Variants in GSE1 observed in about 807,000 individuals in gnomAD.
GSE1 encodes the protein genetic suppressor element 1.
Under a neutral mutation model 112.6 loss-of-function variants are expected in GSE1, and 32 were observed. The ratio of observed to expected loss-of-function variants is 0.28; its 90% CI spans 0.21 to 0.38. The LOEUF (loss-of-function observed/expected upper bound fraction) is 0.38, where lower values mean the gene tolerates loss of function less well. Ranked by LOEUF, GSE1 falls within the 10% of genes least tolerant of loss-of-function variation. GSE1 has a pLI of 1.00. For missense variants in GSE1, 2,348 were observed against 1,699.2 expected (o/e 1.38, Z -6.71); for synonymous variants, 1,115 against 735.6 (o/e 1.52, Z -8.35).
exon 1 of GSE1, chr16:85,170,938 C>G (rs2074349645): frequency 1.0e-6 from 1 of 985,484 alleles, no homozygotes; most frequent in African/African-American, 1.7e-5. Flanking sequence ...GGAAGAGGGC[C>G]TGCCCTCCGG....
In GSE1 at chr16:85,211,018, G is replaced by A. The variant is rs559317808; in HGVS notation, c.2283+39211G>A. Among the ~76,000 whole-genome samples the A allele has an allele frequency of 2.6e-5, 4 of 152,356 alleles. No individual in the cohort carries two copies. The East Asian group carries it at 7.7e-4, about 29-fold the overall frequency. On this transcript the variant is annotated intron_variant, in intron 1 of 2. Transcript: ENST00000637419. ...TTCACAGGTGAGGACTGTGCCACTT[G>A]ACCTTGCTGGGTTGCAGGTTTTGCT...
chr16:85,362,555 T>C (rs1011064122), intron 2 of GSE1, among the ~76,000 whole-genome samples: 1 of 152,196 alleles, frequency 6.6e-6, no homozygotes, highest in Admixed American at 6.5e-5. Context: ...GACTACTGAA[T>C]AGGCATGGTA....
At chr16:85,255,214 A>C (rs547888507) in intron 1 of GSE1, among the ~76,000 whole-genome samples, 27 of 152,104 alleles carry the variant, frequency 1.8e-4, no homozygotes, top group African/African-American at 5.3e-4. Context: ...CAGCCCTTCC[A>C]GAGGCTTCTC....
intron 1 of GSE1, among the ~76,000 whole-genome samples, chr16:85,348,405 C>A (rs184940419): frequency 2.6e-4 from 39 of 152,190 alleles, no homozygotes; most frequent in Non-Finnish European, 2.1e-4. Context: ...TCCACCTTTG[C>A]GGAGGAGGAA....
At chr16:85,231,785 C>G (rs764547637) in intron 1 of GSE1, among the ~76,000 whole-genome samples, 1 of 152,194 alleles carries the variant, frequency 6.6e-6, no homozygotes, top group Non-Finnish European at 1.5e-5. Flanking sequence ...TATTTCTGCT[C>G]TTTTCTCTGT....
chr16:85,275,474 TA>T (rs2144214917), intron 1 of GSE1, among the ~76,000 whole-genome samples: 1 of 152,324 alleles, frequency 6.6e-6, no homozygotes, highest in African/African-American at 2.4e-5. Context: ...CATCCAGAAG[TA>T]CCTCGGTGCG....
Position 85,661,661 on chromosome 16 carries a change from C to T in GSE1, c.2156C>T (p.Ala719Val), listed in dbSNP as rs778886569. The T allele has an allele frequency of 1.9e-6, 3 of 1,610,660 alleles. No individual in the cohort carries two copies. Among genetic ancestry groups the T allele is most frequent in the East Asian group, 4.5e-5 (2 of 44,832 alleles). Reference sequence around the variant, plus strand: ...CCCTACCGGCCCCCAGTGCCACGGGCCCCCGACCCTGCCTACATCTATGAT... The same window carrying T: ...CCCTACCGGCCCCCAGTGCCACGGGTCCCCGACCCTGCCTACATCTATGAT... ...GSPYRPPVPR[A>V]PDPAYIYDEF... is the part of the protein sequence containing the mutation. The change falls in exon 9 of 16, where the codon GCC becomes GTC. Residue 719 changes from alanine (A) to valine (V), a missense_variant. Physicochemically the swap from Ala to Val is moderately conservative, Grantham distance 64. Transcript: ENST00000253458.
At chr16:85,176,960 G>T (rs2074479868) in intron 1 of GSE1, among the ~76,000 whole-genome samples, 2 of 152,272 alleles carry the variant, frequency 1.3e-5, no homozygotes, top group Admixed American at 1.3e-4. Flanking sequence ...TGGAAGTGGG[G>T]ACCTTCTGGA....
intron 7 of GSE1, among the ~76,000 whole-genome samples, chr16:85,656,908 A>G (rs898711578): frequency 6.6e-6 from 1 of 152,164 alleles, no homozygotes; most frequent in African/African-American, 2.4e-5. Flanking sequence ...TTAGGAAGGG[A>G]TGTTTTGAGT....
intron 1 of GSE1, among the ~76,000 whole-genome samples, chr16:85,181,605 T>G (rs2074586014): frequency 6.6e-6 from 1 of 152,208 alleles, no homozygotes; most frequent in South Asian, 2.1e-4. Flanking sequence ...CTGCGGCGTT[T>G]TATTCACCTT....
At chr16:85,627,554 G>A (rs2049178745) in intron 1 of GSE1, among the ~76,000 whole-genome samples, 1 of 151,994 alleles carries the variant, frequency 6.6e-6, no homozygotes, top group African/African-American at 2.4e-5. Flanking sequence ...AGAGCAGCAC[G>A]TGATGTAAAT....
rs527353845 is a variant in GSE1 at position 85,429,616 on chromosome 16, T to A, written c.2464+71973T>A. Among the ~76,000 whole-genome samples, 29 of 152,318 alleles carry A rather than the reference T, an allele frequency of 1.9e-4. No individual in the cohort carries two copies. In the South Asian group the frequency reaches 5.2e-3, roughly 27 times the overall value. Reference sequence around the variant, plus strand: ...CTGTTCCATGGCCCCCAGCATCTCCTGTCCTCACCTCCTCCCAAGATCTCC... The same window carrying A: ...CTGTTCCATGGCCCCCAGCATCTCCAGTCCTCACCTCCTCCCAAGATCTCC... On this transcript the variant is annotated intron_variant, in intron 2 of 2. Transcript: ENST00000637419.
intron 1 of GSE1, among the ~76,000 whole-genome samples, chr16:85,271,257 AC>A (rs1266325915): frequency 1.3e-5 from 2 of 152,174 alleles, no homozygotes; most frequent in Non-Finnish European, 2.9e-5. Context: ...CCAGTTGCCC[AC>A]CAGGGTGACT....
At chr16:85,290,696 C>G (rs934351790) in intron 1 of GSE1, among the ~76,000 whole-genome samples, 7 of 152,106 alleles carry the variant, frequency 4.6e-5, no homozygotes, top group Non-Finnish European at 1.0e-4. Flanking sequence ...CTTCATAGAG[C>G]CTTTGTTGTC....
intron 2 of GSE1, among the ~76,000 whole-genome samples, chr16:85,501,083 C>G (rs1409762284): frequency 1.5e-5 from 2 of 136,072 alleles, no homozygotes; most frequent in Non-Finnish European, 3.0e-5. Context: ...TCACTGCAAG[C>G]TCCGCCTCCC....
At chr16:85,340,094 C>T (rs988984719) in intron 1 of GSE1, among the ~76,000 whole-genome samples, 6 of 143,624 alleles carry the variant, frequency 4.2e-5, no homozygotes, top group African/African-American at 1.5e-4. Flanking sequence ...AGAATGGAAA[C>T]AGATGGTACA....
Position 85,668,390 on chromosome 16 carries a change from G to A in GSE1, c.3381G>A (p.Glu1127=). ...CCAAGCGCAAGTGGCAAGGGATCGA[G>A]GCCGTTTTTGAAGCTTACCAGGAAC... ...EVPKRKWQGI[E]AVFEAYQEHI... is the part of the protein sequence containing the mutation. Residue 1127 remains glutamate, a synonymous_variant, in exon 14 of 16, where the codon GAG becomes GAA. Coordinates refer to ENST00000253458, the MANE Select transcript of GSE1 (RefSeq NM_014615.5). 1 of 1,611,952 alleles carries A rather than the reference G, an allele frequency of 6.2e-7. No homozygotes were observed. Among genetic ancestry groups the A allele is most frequent in the East Asian group, 2.2e-5 (1 of 44,868 alleles).
intron 1 of GSE1, among the ~76,000 whole-genome samples, chr16:85,310,760 G>A (rs533580382): frequency 4.6e-5 from 7 of 151,968 alleles, no homozygotes; most frequent in East Asian, 2.0e-4. Flanking sequence ...TGAGGTGCTC[G>A]GAGCAACCTC....
At chr16:85,556,158 C>T in exon 1 of GSE1, 1 of 942,868 alleles carries the variant, frequency 1.1e-6, no homozygotes, top group Non-Finnish European at 1.2e-6. Context: ...GGGGGAAAGA[C>T]TGATTTTTTT....
Sources: gnomAD v4.1 joint callset for allele counts (sites outside exome capture counted in the v4.1 genomes callset) on GRCh38, gnomAD v4.1.1 for gene constraint, MANE v1.5 for transcripts, NCBI Gene and HGNC (gene_info 2026-07-23, HGNC 2026-07-21) for gene names.